TRIM10: variants seen among roughly 807,000 people sequenced by gnomAD.
The protein encoded by TRIM10 is tripartite motif-containing protein 10.
Under a neutral mutation model 40.0 loss-of-function variants are expected in TRIM10, and 42 were observed. The observed-to-expected ratio is 1.05, with a 90% CI of 0.82 to 1.36. TRIM10 has a LOEUF of 1.36. Ranked by LOEUF, TRIM10 falls within the 40% of genes most tolerant of loss-of-function variation. TRIM10 has a pLI of 0.00. For synonymous variants in TRIM10, 260 were observed against 239.5 expected (o/e 1.09, Z -0.79); for missense variants, 601 against 608.3 (o/e 0.99, Z 0.13).
Position 30,158,549 on chromosome 6 carries a change from G to C in TRIM10, c.606C>G (p.Ile202Met). ...LRKFLEEQQS[I>M]LLAQLESQDG... ...CCTGGCTCTCCAATTGTGCTAAGAG[G>C]ATGCTCTGCTGTTCCTCTAGAAACT... The change falls in exon 3 of 7, where the codon ATC becomes ATG. Residue 202 changes from isoleucine to methionine, a missense_variant. Ile to Met is a conservative substitution (Grantham distance 10). Coordinates refer to ENST00000449742, the MANE Select transcript of TRIM10 (RefSeq NM_006778.4). 1 of 1,613,020 alleles carries C rather than the reference G, an allele frequency of 6.2e-7. No individual in the cohort carries two copies. Among genetic ancestry groups the C allele is most frequent in the Non-Finnish European group, 8.5e-7 (1 of 1,180,040 alleles).
At chr6:30,156,884 C>G in intron 5 of TRIM10, 55 bp downstream of exon 5, 1 of 1,537,914 alleles carries the variant, frequency 6.5e-7, no homozygotes, top group South Asian at 1.1e-5. Flanking sequence ...GAGGCCACTC[C>G]TAAACCCAGG....
rs549485436 is a variant in TRIM10 at position 30,154,305 on chromosome 6, A to G, written c.1110T>C (p.Ser370=). 1 of 1,612,726 alleles carries G rather than the reference A, an allele frequency of 6.2e-7. No homozygotes were observed. Among genetic ancestry groups the G allele is most frequent in the East Asian group, 2.2e-5 (1 of 44,846 alleles). Residue 370 remains serine (S), a synonymous_variant, in exon 7 of 7, where the codon AGT becomes AGC. Coordinates refer to ENST00000449742, the MANE Select transcript of TRIM10 (RefSeq NM_006778.4). ...ITGGRHTWVV[S]IDLAHGGSCT... ...AGCTGCCCCCATGGGCCAGGTCTATACTCACCACCCACGTGTGTCTCCCCC... is the reference window on the plus strand; with the variant it reads ...AGCTGCCCCCATGGGCCAGGTCTATGCTCACCACCCACGTGTGTCTCCCCC...
upstream of TRIM10, among the ~76,000 whole-genome samples, chr6:30,162,520 A>T (rs1215831694): frequency 3.3e-5 from 5 of 152,098 alleles, no homozygotes; most frequent in African/African-American, 1.2e-4. Flanking sequence ...GGGAGCAACC[A>T]CAAGGGGCTA....
rs9261530 is a variant in TRIM10, at chr6:30,152,387, G to C, written c.*1582C>G. The C allele has an allele frequency of 0.21, 32,100 of 152,116 alleles. 3,771 individuals are homozygous for C. The highest frequency in any genetic ancestry group is 0.25 in the Non-Finnish European group (16,675 of 67,970). 9.4% of individuals were successfully genotyped at this position (152,116 alleles called of 1,614,324 possible). A position where few individuals can be genotyped will look rare whatever the true frequency, so the allele number is the denominator to read the frequency against. On this transcript the variant is annotated 3_prime_UTR_variant, in exon 7 of 7. Transcript: ENST00000449742. ...TGGAATCACAGGTTTGGGTGCTTTG[G>C]ATATGTTTTATCATTATATAGGCAC... is the stretch of plus-strand genomic sequence containing the variant.
chr6:30,160,954 T>C lies in TRIM10; in HGVS notation c.-96A>G. The C allele has an allele frequency of 8.1e-7, 1 of 1,240,436 alleles. No homozygotes were observed. 76.8% of individuals were successfully genotyped at this position (1,240,436 alleles called of 1,614,324 possible). A position where few individuals can be genotyped will look rare whatever the true frequency, so the allele number is the denominator to read the frequency against. On this transcript the variant is annotated 5_prime_UTR_variant, in exon 1 of 7. The change abolishes an upstream ATG in the 5' untranslated region. Coordinates refer to ENST00000449742, the MANE Select transcript of TRIM10 (RefSeq NM_006778.4). ...ACACTCACACACCCACACATGCACA[T>C]GGCTGGACACAGGCACATACTAAAT...
intron 5 of TRIM10, among the ~76,000 whole-genome samples, chr6:30,156,002 G>A (rs1772497985): frequency 6.6e-6 from 1 of 152,154 alleles, no homozygotes. Flanking sequence ...ACAATTTCCT[G>A]GGCAATGCAG....
In TRIM10 at chr6:30,154,169, C is replaced by G. The variant is rs1235396355; in HGVS notation, c.1246G>C (p.Gly416Arg). Residue 416 changes from glycine to arginine, a missense_variant, in exon 7 of 7, where the codon GGC (glycine) becomes CGC (arginine). Coordinates refer to ENST00000449742, the MANE Select transcript of TRIM10 (RefSeq NM_006778.4). ...AGGGTCAGCCGTGTGGGGAAGGAGC[C>G]CAGAGCCGAGACGAAGCCCCAAGCC... ...RLAWGFVSAL[G>R]SFPTRLTLKE... The G allele has an allele frequency of 1.2e-6, 2 of 1,612,120 alleles. No individual in the cohort carries two copies. Among genetic ancestry groups the G allele is most frequent in the African/African-American group, 2.7e-5 (2 of 74,872 alleles).
Position 30,154,290 on chromosome 6 carries a change from A to C in TRIM10, c.1125T>G (p.His375Gln). The change falls in exon 7 of 7, where the codon CAT (histidine) becomes CAG (glutamine). Residue 375 changes from histidine to glutamine, a missense_variant. Physicochemically the swap from His to Gln is conservative, Grantham distance 24. Coordinates refer to ENST00000449742, the MANE Select transcript of TRIM10 (RefSeq NM_006778.4). ...HTWVVSIDLA[H>Q]GGSCTVGVVS... Reference sequence around the variant, plus strand: ...CCACGCCCACGGTGCAGCTGCCCCCATGGGCCAGGTCTATACTCACCACCC... The same window carrying C: ...CCACGCCCACGGTGCAGCTGCCCCCCTGGGCCAGGTCTATACTCACCACCC... The C allele has an allele frequency of 6.2e-7, 1 of 1,612,938 alleles. No homozygotes were observed. The highest frequency in any genetic ancestry group is 1.3e-5 in the African/African-American group (1 of 74,996).
chr6:30,154,612 G>A (rs1306392852), intron 6 of TRIM10, 126 bp from the exon 7 acceptor site: 17 of 1,243,702 alleles, frequency 1.4e-5, no homozygotes, highest in South Asian at 1.3e-4. Flanking sequence ...TAGTGCCTAC[G>A]TGGGCCAACA....
rs1443062355 is a variant in TRIM10, at chr6:30,151,958, G to A, written c.*2011C>T. ...CCAACATGAGTGTTTTCACTTATGA[G>A]CAGTTTTATTTCTCAGTGTAAGACA... On this transcript the variant is annotated 3_prime_UTR_variant, in exon 7 of 7. Transcript: ENST00000449742. 6.6e-6 allele frequency: 1 copy of A among 152,208 alleles called. No individual in the cohort carries two copies. Among genetic ancestry groups the A allele is most frequent in the East Asian group, 1.9e-4 (1 of 5,202 alleles). The allele number at this position is 152,208 out of a possible 1,614,324, so 9.4% of individuals were successfully genotyped here. A position where few individuals can be genotyped will look rare whatever the true frequency, so the allele number is the denominator to read the frequency against.
At position 30,155,752 on chromosome 6, in the gene TRIM10, T is replaced by C. The variant is rs1477096487; in HGVS notation, c.903A>G (p.Leu301=). 1.9e-6 allele frequency: 3 copies of C among 1,613,394 alleles called. No homozygotes were observed. Among genetic ancestry groups the C allele is most frequent in the South Asian group, 2.2e-5 (2 of 91,020 alleles). Residue 301 remains leucine (L), a synonymous_variant, in exon 6 of 7, where the codon CTA becomes CTG. Transcript: ENST00000449742. ...QREMKMFLEK[L]CFELDYEPAH... Reference sequence around the variant, plus strand: ...CTGGCTCATAGTCCAACTCAAAGCATAGTTTTTCTGTAAAGAAAATAAACC... The same window carrying C: ...CTGGCTCATAGTCCAACTCAAAGCACAGTTTTTCTGTAAAGAAAATAAACC...
upstream of TRIM10, among the ~76,000 whole-genome samples, chr6:30,162,391 A>G (rs1274056272): frequency 2.0e-5 from 3 of 149,940 alleles, no homozygotes; most frequent in Non-Finnish European, 4.4e-5. Context: ...TTCAGTGCTC[A>G]GTAGACACAT....
rs148969734 is a variant in TRIM10 at position 30,153,699 on chromosome 6, C to T, written c.*270G>A. The T allele has an allele frequency of 1.5e-4, 242 of 1,612,480 alleles. 1 individual carries two copies. Among genetic ancestry groups the T allele is most frequent in the Non-Finnish European group, 2.8e-5 (33 of 1,179,852 alleles). ...ATCCAGTGCCCTTTCTATGCAGCTA[C>T]TTCTGTGCCAAGCACGGATGGTGGT... On this transcript the variant is annotated 3_prime_UTR_variant, in exon 7 of 7. Transcript: ENST00000449742.
intron 6 of TRIM10, among the ~76,000 whole-genome samples, chr6:30,155,458 T>C (rs1269181629): frequency 1.3e-5 from 2 of 152,214 alleles, no homozygotes; most frequent in Non-Finnish European, 2.9e-5. Flanking sequence ...ACGAATGTAG[T>C]ATGTGTATGT....
chr6:30,160,483 C>A lies in TRIM10; in HGVS notation c.376G>T (p.Glu126Ter). The change falls in exon 1 of 7, where the codon GAG becomes TAG. Residue 126 changes from glutamate (E) to a stop codon, truncating the protein, a stop_gained. Coordinates refer to ENST00000449742, the MANE Select transcript of TRIM10 (RefSeq NM_006778.4). LOFTEE classifies it high-confidence loss of function. ...QLCVVCREAG[E>*]HATHTMRFLE... ...AAGCGCATGGTGTGGGTAGCGTGCTCCCCAGCCTCCCGGCACACCACGCAC... is the reference window on the plus strand; with the variant it reads ...AAGCGCATGGTGTGGGTAGCGTGCTACCCAGCCTCCCGGCACACCACGCAC... 1 of 1,614,108 alleles carries A rather than the reference C, an allele frequency of 6.2e-7. No individual in the cohort carries two copies. Among genetic ancestry groups the A allele is most frequent in the Non-Finnish European group, 8.5e-7 (1 of 1,180,026 alleles).
intron 3 of TRIM10, among the ~76,000 whole-genome samples, chr6:30,157,662 T>TTC (rs1245977487): frequency 3.7e-5 from 5 of 134,224 alleles, no homozygotes; most frequent in African/African-American, 8.1e-5. Context: ...ATTTTCTTTT[T>TTC]TTTTTTTTTT....
At chr6:30,155,394 C>T (rs993818260) in intron 6 of TRIM10, among the ~76,000 whole-genome samples, 3 of 152,170 alleles carry the variant, frequency 2.0e-5, no homozygotes, top group Admixed American at 6.5e-5. Flanking sequence ...TCCCATTCTG[C>T]ATTAATCTTT....
Position 30,158,546 on chromosome 6 carries a change from G to A in TRIM10, c.609C>T (p.Leu203=). ...CATCCTGGCTCTCCAATTGTGCTAA[G>A]AGGATGCTCTGCTGTTCCTCTAGAA... ...RKFLEEQQSI[L]LAQLESQDGD... is the part of the protein sequence containing the mutation. Residue 203 remains leucine, a synonymous_variant, in exon 3 of 7, where the codon CTC becomes CTT. Transcript: ENST00000449742. 6.2e-7 allele frequency: 1 copy of A among 1,613,076 alleles called. No individual in the cohort carries two copies. The highest frequency in any genetic ancestry group is 8.5e-7 in the Non-Finnish European group (1 of 1,180,030).
chr6:30,158,847 T>C (rs1469471365), intron 2 of TRIM10, among the ~76,000 whole-genome samples: 2 of 152,078 alleles, frequency 1.3e-5, no homozygotes, highest in African/African-American at 4.8e-5. Flanking sequence ...GAGGAGGTGG[T>C]GGGGACACCC....
Sources: allele counts gnomAD v4.1 joint callset (sites outside exome capture counted in the v4.1 genomes callset), GRCh38; gene constraint gnomAD v4.1.1; transcripts MANE v1.5; gene names NCBI Gene and HGNC (gene_info 2026-07-23, HGNC 2026-07-21).